The following CHD8 variants were observed in gnomAD, a reference collection of about 807,000 sequenced individuals.
CHD8 encodes the protein chromodomain helicase DNA binding protein 8, also known as ATP-dependent chromatin remodeler CHD8.
A neutral mutation model predicts 279.2 loss-of-function variants in CHD8; 31 were observed. The ratio of observed to expected loss-of-function variants is 0.11; its 90% CI spans 0.08 to 0.15. The LOEUF is 0.15. CHD8 is among the 10% of genes least tolerant of loss of function. The pLI, the probability that CHD8 is intolerant of heterozygous loss-of-function variation, is 1.00. For missense variants in CHD8, 2,146 were observed against 3,230.5 expected, an observed-to-expected ratio of 0.66 and a Z score of 8.14; for synonymous variants, 1,081 against 1,139.6, an observed-to-expected ratio of 0.95 and a Z score of 1.04.
intron 5 of CHD8, 38 bp from the exon 6 acceptor site, chr14:21,415,945 C>A (rs767024680): frequency 1.3e-6 from 2 of 1,545,778 alleles, no homozygotes; most frequent in South Asian, 2.3e-5. Flanking sequence ...CTAGTTAGGT[C>A]TCTCACAGAG....
At chr14:21,397,387 A>C in intron 27 of CHD8, 1 of 518,024 alleles carries the variant, frequency 1.9e-6, no homozygotes, top group South Asian at 1.4e-5. Flanking sequence ...TTAGCATGGC[A>C]ACTCATCATT....
intron 5 of CHD8, among the ~76,000 whole-genome samples, chr14:21,420,797 T>C (rs543526994): frequency 6.6e-6 from 1 of 152,128 alleles, no homozygotes; most frequent in South Asian, 2.1e-4. Flanking sequence ...AGTTTCGCTC[T>C]TGTTGCCCAG....
At chr14:21,393,309 G>C (rs946621655) in intron 32 of CHD8, 55 bp from the exon 33 acceptor site, 7 of 1,601,044 alleles carry the variant, frequency 4.4e-6, no homozygotes. Flanking sequence ...AATGTCATAT[G>C]GTAATGGTAT....
At chr14:21,445,618 G>A (rs1263091617) in intron 1 of CHD8, among the ~76,000 whole-genome samples, 1 of 148,050 alleles carries the variant, frequency 6.8e-6, no homozygotes, top group African/African-American at 2.5e-5. Context: ...GAATCCAGTA[G>A]GCAGAGGCTG....
Position 21,414,320 on chromosome 14 carries a change from A to G in CHD8, c.2123T>C (p.Met708Thr), listed in dbSNP as rs1423975378. 1 of 1,537,058 alleles carries G rather than the reference A, an allele frequency of 6.5e-7. No homozygotes were observed. The highest frequency in any genetic ancestry group is 1.4e-5 in the African/African-American group (1 of 73,714). ...AATTACCTCATGGAAGAAGTGTCTCATCTGAGCCATTTTGGTTTTGAAGCG... is the reference window on the plus strand; with the variant it reads ...AATTACCTCATGGAAGAAGTGTCTCGTCTGAGCCATTTTGGTTTTGAAGCG... ...LKRFKTKMAQ[M>T]RHFFHEDEEP... Residue 708 changes from methionine to threonine, a missense_variant, in exon 9 of 38, where the codon ATG (methionine) becomes ACG (threonine). Coordinates refer to ENST00000646647, the MANE Select transcript of CHD8 (RefSeq NM_001170629.2).
intron 1 of CHD8, chr14:21,437,122 G>A (rs1889817589): frequency 1.1e-6 from 1 of 926,306 alleles, no homozygotes; most frequent in South Asian, 1.5e-5. Context: ...GCTGCAGGCC[G>A]AGAGGCCCGA....
chr14:21,426,046 A>T, intron 5 of CHD8, 82 bp downstream of exon 5: 1 of 832,136 alleles, frequency 1.2e-6, no homozygotes, highest in Non-Finnish European at 2.0e-6. Context: ...GTATAGACTT[A>T]CGATTTCTCA....
In CHD8 at chr14:21,388,642, C is replaced by G. The variant is rs369446151; in HGVS notation, c.7182+2305G>C. Among the ~76,000 whole-genome samples, 59 of 152,236 alleles carry G rather than the reference C, an allele frequency of 3.9e-4. No homozygotes were observed. The South Asian group carries it at 0.012, about 32-fold the overall frequency. ...ACATAGCTGATACTAGAGGACTGCA[C>G]TACCACGCCCAGCTAATTTTTTGTA... On this transcript the variant is annotated intron_variant, in intron 37 of 37. Coordinates refer to ENST00000646647, the MANE Select transcript of CHD8 (RefSeq NM_001170629.2).
intron 1 of CHD8, among the ~76,000 whole-genome samples, chr14:21,453,931 G>T (rs1890315912): frequency 6.6e-6 from 1 of 151,442 alleles, no homozygotes; most frequent in Admixed American, 6.6e-5. Flanking sequence ...CGAGGCGGGA[G>T]GATCACGAGG....
chr14:21,394,563 G>A, intron 30 of CHD8, 78 bp from the exon 31 acceptor site: 4 of 451,196 alleles, frequency 8.9e-6, no homozygotes, highest in Non-Finnish European at 1.4e-5. Context: ...ATTTTTTAAT[G>A]TGTTTTAGAA....
In CHD8 at chr14:21,402,946, A is replaced by G; in HGVS notation, c.3714+71T>C. 2 of 1,304,558 alleles carry G rather than the reference A, an allele frequency of 1.5e-6. No homozygotes were observed. The highest frequency in any genetic ancestry group is 1.4e-5 in the South Asian group (1 of 71,260). 80.8% of individuals were successfully genotyped at this position (1,304,558 alleles called of 1,614,324 possible). A position where few individuals can be genotyped will look rare whatever the true frequency, so the allele number is the denominator to read the frequency against. On this transcript the variant is annotated intron_variant, in intron 18 of 37. Coordinates refer to ENST00000646647, the MANE Select transcript of CHD8 (RefSeq NM_001170629.2). The surrounding 1 kb of genome is among the most constrained non-coding windows in gnomAD (Gnocchi z 4.5). ...TCCAAACTCTGTGAAAGGTCTTTCT[A>G]AAAGATCCTATTCTTGTTGAAAAAT...
chr14:21,437,279 G>C lies in CHD8; in HGVS notation c.-215-5421C>G, dbSNP rs1480154762. 2.3e-5 allele frequency: 26 copies of C among 1,140,394 alleles called. 1 individual carries two copies. The highest frequency in any genetic ancestry group is 2.7e-5 in the Non-Finnish European group (25 of 914,528). The allele number at this position is 1,140,394 out of a possible 1,614,324, so 70.6% of individuals were successfully genotyped here. On this transcript the variant is annotated intron_variant, in intron 1 of 37. Transcript: ENST00000646647. ...CTCCTCCTGCGCAACCTAACCTGAT[G>C]CTCCTGCCCGCCCCGCGCCATCATT...
At position 21,418,554 on chromosome 14, in the gene CHD8, G is replaced by C. The variant is rs190091053; in HGVS notation, c.1717-2647C>G. On this transcript the variant is annotated intron_variant, in intron 5 of 37. Transcript: ENST00000646647. ...AAAATAGCCAGGCGCGGTGGCCCAC[G>C]CCTGTAATCCCAGCACTTTGGGAGG... 1.7e-3 allele frequency among the ~76,000 whole-genome samples: 255 copies of C among 152,014 alleles called. 1 individual carries two copies. In the East Asian group the frequency reaches 0.044, roughly 26 times the overall value.
intron 4 of CHD8, chr14:21,426,781 A>C (rs1228998002): frequency 6.6e-6 from 1 of 152,338 alleles, no homozygotes; most frequent in East Asian, 1.9e-4. Flanking sequence ...ATGGAAGGGA[A>C]AGAGAGGACA....
At chr14:21,390,006 G>A (rs941419216) in intron 37 of CHD8, among the ~76,000 whole-genome samples, 3 of 152,140 alleles carry the variant, frequency 2.0e-5, no homozygotes, top group South Asian at 2.1e-4. Context: ...AGGCCAAGGC[G>A]GGTGGATTAC....
chr14:21,391,485 G>T lies in CHD8; in HGVS notation c.7043C>A (p.Ala2348Asp). 1 of 1,613,854 alleles carries T rather than the reference G, an allele frequency of 6.2e-7. No individual in the cohort carries two copies. The change falls in exon 36 of 38, where the codon GCT (alanine) becomes GAT (aspartate). Residue 2348 changes from alanine to aspartate, a missense_variant. Transcript: ENST00000646647. ...CACCGCTAGAAATCGGGGATCAACAGCAAACTCTGGATGACCCTGTAACCA... is the reference window on the plus strand; with the variant it reads ...CACCGCTAGAAATCGGGGATCAACATCAAACTCTGGATGACCCTGTAACCA... ...EMWLQGHPEF[A>D]VDPRFLAYME...
In CHD8 at chr14:21,405,086, T is replaced by C. The variant is rs931636388; in HGVS notation, c.3307+123A>G. ...AAAAGGAGAACCATTTCCCTCCCATTCCTCAGTCCGCACCCCAAATTAGGT... is the reference window on the plus strand; with the variant it reads ...AAAAGGAGAACCATTTCCCTCCCATCCCTCAGTCCGCACCCCAAATTAGGT... On this transcript the variant is annotated intron_variant, in intron 16 of 37. Transcript: ENST00000646647. This position sits in a 1 kb window ranked among gnomAD's most constrained non-coding sequence, Gnocchi z 4.2. 1 of 852,582 alleles carries C rather than the reference T, an allele frequency of 1.2e-6. No homozygotes were observed. The allele number at this position is 852,582 out of a possible 1,614,324, so 52.8% of individuals were successfully genotyped here. A position where few individuals can be genotyped will look rare whatever the true frequency, so the allele number is the denominator to read the frequency against.
intron 5 of CHD8, among the ~76,000 whole-genome samples, chr14:21,421,925 G>T (rs1379250896): frequency 6.6e-6 from 1 of 152,214 alleles, no homozygotes; most frequent in East Asian, 1.9e-4. Context: ...TGTACCAATA[G>T]AGGAAAGACC....
At chr14:21,430,535 G>A in intron 2 of CHD8, 1 of 370,600 alleles carries the variant, frequency 2.7e-6, no homozygotes, top group Non-Finnish European at 4.9e-6. Flanking sequence ...CAGACGGTGA[G>A]CTCTGTAAGG....
Sources: gnomAD v4.1 joint callset for allele counts (sites outside exome capture counted in the v4.1 genomes callset) on GRCh38, gnomAD v4.1.1 for gene constraint, Gnocchi (gnomAD v3.1) non-coding constraint, MANE v1.5 for transcripts, NCBI Gene and HGNC (gene_info 2026-07-23, HGNC 2026-07-21) for gene names.